Variants in RSF1 observed in about 807,000 individuals in gnomAD.
RSF1 encodes the protein remodeling and spacing factor 1.
In RSF1, 13 loss-of-function variants were observed where a neutral mutation model predicts 145.2. The ratio of observed to expected loss-of-function variants is 0.09; its 90% CI spans 0.06 to 0.14. The LOEUF (loss-of-function observed/expected upper bound fraction) is 0.14, where lower values mean the gene tolerates loss of function less well. RSF1 is among the 10% of genes least tolerant of loss of function. The probability of loss-of-function intolerance (pLI) is 1.00; values close to 1 mark genes in which losing one functional copy is unlikely to be tolerated. For missense variants in RSF1, 1,517 were observed against 1,718.2 expected (o/e 0.88, Z 2.07); for synonymous variants, 577 against 592.6 (o/e 0.97, Z 0.38).
intron 4 of RSF1, among the ~76,000 whole-genome samples, chr11:77,738,357 T>A (rs765478828): frequency 3.3e-5 from 5 of 152,084 alleles, no homozygotes; most frequent in Non-Finnish European, 5.9e-5. Flanking sequence ...TAGAAAAAAA[T>A]GAACTAAAGT....
chr11:77,831,326 C>T, the RSF1 span, among the ~76,000 whole-genome samples: 2 of 152,124 alleles, frequency 1.3e-5, no homozygotes, highest in Non-Finnish European at 2.9e-5. Flanking sequence ...TTACTTGAAC[C>T]AGCAGTTCCT....
chr11:77,719,478 A>G (rs1960894942), intron 5 of RSF1, among the ~76,000 whole-genome samples: 1 of 152,218 alleles, frequency 6.6e-6, no homozygotes, highest in Non-Finnish European at 1.5e-5. Flanking sequence ...TGGAGTGTAA[A>G]TCTCACGTAA....
chr11:77,841,349 T>C, the RSF1 span: 1 of 623,806 alleles, frequency 1.6e-6, no homozygotes, highest in Non-Finnish European at 2.9e-6. Context: ...GTGTCTACTT[T>C]AGTCTCTGTT....
chr11:77,721,483 G>A (rs1960939956), intron 5 of RSF1, among the ~76,000 whole-genome samples: 1 of 152,142 alleles, frequency 6.6e-6, no homozygotes, highest in African/African-American at 2.4e-5. Context: ...CAGGGACTCT[G>A]GAGACAGATT....
the RSF1 span, among the ~76,000 whole-genome samples, chr11:77,841,525 G>A: frequency 6.6e-6 from 1 of 152,322 alleles, no homozygotes; most frequent in East Asian, 1.9e-4. Flanking sequence ...GTGTGTACAG[G>A]GGAGTGCGTT....
At chr11:77,822,583 T>TA (rs1948968434), upstream of RSF1, among the ~76,000 whole-genome samples, 1 of 152,094 alleles carries the variant, frequency 6.6e-6, no homozygotes, top group Non-Finnish European at 1.5e-5. Flanking sequence ...TTCCAGGTTT[T>TA]AAAAAGGGGA....
rs1374864792 is a variant in RSF1 at position 77,702,258 on chromosome 11, A to G, written c.971T>C (p.Val324Ala). 1.9e-6 allele frequency: 3 copies of G among 1,610,380 alleles called. No homozygotes were observed. Among genetic ancestry groups the G allele is most frequent in the South Asian group, 2.2e-5 (2 of 89,798 alleles). The change falls in exon 6 of 16, where the codon GTT becomes GCT. Residue 324 changes from valine (V) to alanine (A), a missense_variant. By Grantham distance (64) the Val-to-Ala change is moderately conservative. This residue lies in a region of RSF1 where 207 missense variants were observed against 191.4 expected (regional missense o/e 1.08). Transcript: ENST00000308488. ...SFKENVKPIK[V>A]EVKECRADPK... ...ATCTGCTCTACATTCCTTCACCTCA[A>G]CTTTAATGGGTTTGACATTTTCCTT...
At chr11:77,743,367 C>T (rs752982305) in intron 3 of RSF1, among the ~76,000 whole-genome samples, 2 of 152,206 alleles carry the variant, frequency 1.3e-5, no homozygotes, top group Non-Finnish European at 2.9e-5. Context: ...AATCCATGAA[C>T]ACAGGACATC....
At chr11:77,669,730 G>GT (rs1959470270) in intron 15 of RSF1, among the ~76,000 whole-genome samples, 1 of 152,168 alleles carries the variant, frequency 6.6e-6, no homozygotes, top group African/African-American at 2.4e-5. Context: ...CATTTTTTAT[G>GT]TAAGAGGCAG....
At chr11:77,838,304 T>C in the RSF1 span, among the ~76,000 whole-genome samples, 1 of 152,196 alleles carries the variant, frequency 6.6e-6, no homozygotes, top group Non-Finnish European at 1.5e-5. Flanking sequence ...GCTGTGAACA[T>C]ACCTTGTAGA....
At chr11:77,831,034 C>G in the RSF1 span, among the ~76,000 whole-genome samples, 1 of 150,566 alleles carries the variant, frequency 6.6e-6, no homozygotes, top group African/African-American at 2.4e-5. Context: ...TGGCATGCAC[C>G]TGTAGTCCCA....
chr11:77,826,580 C>T, the RSF1 span, among the ~76,000 whole-genome samples: 21 of 152,288 alleles, frequency 1.4e-4, no homozygotes, highest in South Asian at 3.9e-3. Flanking sequence ...CCAGTTGCAG[C>T]ATAGTCGCTA....
At chr11:77,668,231 G>A (rs1316354458) in intron 15 of RSF1, among the ~76,000 whole-genome samples, 1 of 151,212 alleles carries the variant, frequency 6.6e-6, no homozygotes, top group African/African-American at 2.4e-5. Flanking sequence ...CGAACTCCTG[G>A]CCTCAAGTGA....
At chr11:77,800,326 T>C (rs555984540) in intron 1 of RSF1, among the ~76,000 whole-genome samples, 1 of 152,002 alleles carries the variant, frequency 6.6e-6, no homozygotes, top group East Asian at 1.9e-4. Flanking sequence ...ACCCCGCCTC[T>C]ACTAAAAATA....
chr11:77,841,175 A>C, the RSF1 span: 1 of 701,850 alleles, frequency 1.4e-6, no homozygotes, highest in Non-Finnish European at 2.6e-6. Flanking sequence ...CAATAACAGC[A>C]TAATCTATTC....
chr11:77,768,854 T>C (rs936497726), intron 1 of RSF1, among the ~76,000 whole-genome samples: 3 of 152,202 alleles, frequency 2.0e-5, no homozygotes, highest in African/African-American at 4.8e-5. Flanking sequence ...GTCTATTAAA[T>C]AGATTGCTCC....
In RSF1 at chr11:77,676,959, A is replaced by G; in HGVS notation, c.3174T>C (p.His1058=). 5.6e-6 allele frequency: 9 copies of G among 1,614,066 alleles called. No homozygotes were observed. The highest frequency in any genetic ancestry group is 7.6e-6 in the Non-Finnish European group (9 of 1,180,002). The change falls in exon 13 of 16, where the codon CAT becomes CAC. Residue 1058 remains histidine, a synonymous_variant. Coordinates refer to ENST00000308488, the MANE Select transcript of RSF1 (RefSeq NM_016578.4). The stretch of plus-strand genomic sequence containing the variant: ...AAATAGTAGAGATGTCTTTCCCACG[A>G]TGACCTGTGATGGTGGAGATATCTT... ...RGKDISTITG[H]RGKDISTILD...
intron 1 of RSF1, among the ~76,000 whole-genome samples, chr11:77,795,547 G>A (rs1235933031): frequency 6.6e-6 from 1 of 152,060 alleles, no homozygotes; most frequent in Non-Finnish European, 1.5e-5. Flanking sequence ...ACAGAATAGA[G>A]AACTCAGAAA....
intron 2 of RSF1, among the ~76,000 whole-genome samples, chr11:77,750,737 T>C (rs1948053033): frequency 6.6e-6 from 1 of 152,272 alleles, no homozygotes; most frequent in Admixed American, 6.5e-5. Context: ...TGGTTTTACA[T>C]GCAATTTCTC....
Sources: gnomAD v4.1 joint callset for allele counts (sites outside exome capture counted in the v4.1 genomes callset) on GRCh38, gnomAD v4.1.1 for gene constraint, gnomAD v4.1.1 regional missense constraint, MANE v1.5 for transcripts, NCBI Gene and HGNC (gene_info 2026-07-23, HGNC 2026-07-21) for gene names.